The following DDX19A variants were observed in gnomAD, a reference collection of about 807,000 sequenced individuals.
DDX19A encodes the protein DEAD-box helicase 19A, also known as ATP-dependent RNA helicase DDX19A.
DDX19A carries 12 observed loss-of-function variants against 60.6 expected under a neutral mutation model. That is an observed-to-expected ratio of 0.20 (90% CI 0.13 to 0.32). The LOEUF is 0.32. Among genes scored for constraint, DDX19A ranks in the 10% least tolerant of loss-of-function variants. The probability of loss-of-function intolerance (pLI) is 1.00; values close to 1 mark genes in which losing one functional copy is unlikely to be tolerated. For missense variants in DDX19A, 337 were observed against 600.6 expected (o/e 0.56, Z 4.59); for synonymous variants, 206 against 218.2 (o/e 0.94, Z 0.49).
intron 2 of DDX19A, among the ~76,000 whole-genome samples, chr16:70,353,034 T>A (rs1964073161): frequency 6.6e-6 from 1 of 152,188 alleles, no homozygotes; most frequent in Non-Finnish European, 1.5e-5. Flanking sequence ...TGAACTTAGC[T>A]CTTTTTACAT....
At chr16:70,357,703 C>T (rs1307359957) in intron 4 of DDX19A, among the ~76,000 whole-genome samples, 1 of 151,904 alleles carries the variant, frequency 6.6e-6, no homozygotes, top group African/African-American at 2.4e-5. Context: ...AGGTTTACTT[C>T]AGTAAATTAA....
At chr16:70,354,018 A>T (rs577064439) in intron 2 of DDX19A, among the ~76,000 whole-genome samples, 2 of 151,954 alleles carry the variant, frequency 1.3e-5, no homozygotes, top group South Asian at 4.1e-4. Flanking sequence ...CTGGGATTAT[A>T]GGCTAATTTT....
rs1284824243 is a variant in DDX19A, at chr16:70,363,417, A to T, written c.387-1126A>T. Reference sequence around the variant, plus strand: ...AATGGCGCGGTCTCAGCTCACCGCAACCTTCGCCTCCCGGGTTCAAGTGAT... The same window carrying T: ...AATGGCGCGGTCTCAGCTCACCGCATCCTTCGCCTCCCGGGTTCAAGTGAT... On this transcript the variant is annotated intron_variant, in intron 5 of 11. Transcript: ENST00000302243. 3 of 151,918 alleles carry T rather than the reference A, an allele frequency of 2.0e-5. No individual in the cohort carries two copies. In the South Asian group the frequency reaches 6.2e-4, roughly 31 times the overall value. The allele number at this position is 151,918 out of a possible 1,614,324, so 9.4% of individuals were successfully genotyped here. A position where few individuals can be genotyped will look rare whatever the true frequency, so the allele number is the denominator to read the frequency against.
At chr16:70,353,045 G>A (rs1365171851) in intron 2 of DDX19A, among the ~76,000 whole-genome samples, 1 of 151,972 alleles carries the variant, frequency 6.6e-6, no homozygotes, top group Non-Finnish European at 1.5e-5. Flanking sequence ...CTTTTTACAT[G>A]TATGCAAGTG....
chr16:70,351,212 A>T (rs1964006714), intron 2 of DDX19A, among the ~76,000 whole-genome samples: 1 of 148,754 alleles, frequency 6.7e-6, no homozygotes, highest in African/African-American at 2.5e-5. Context: ...TTAGATTTTT[A>T]AAATTTTATT....
chr16:70,352,995 A>G (rs1369020157), intron 2 of DDX19A, among the ~76,000 whole-genome samples: 1 of 152,134 alleles, frequency 6.6e-6, no homozygotes. Context: ...TTCTTTTGCT[A>G]TTATAAATAA....
rs568023515 is a variant in DDX19A at position 70,364,325 on chromosome 16, G to T, written c.387-218G>T. On this transcript the variant is annotated intron_variant, in intron 5 of 11. Coordinates refer to ENST00000302243, the MANE Select transcript of DDX19A (RefSeq NM_018332.5). ...TAGAGGCTAGAATGAGAATTTCTTGGTGTGAGCCCATTTAAAATAATCATT... is the reference window on the plus strand; with the variant it reads ...TAGAGGCTAGAATGAGAATTTCTTGTTGTGAGCCCATTTAAAATAATCATT... The T allele has an allele frequency of 5.7e-6, 3 of 526,598 alleles. No individual in the cohort carries two copies. In the South Asian group the frequency reaches 6.6e-5, roughly 12 times the overall value. The allele number at this position is 526,598 out of a possible 1,614,324, so 32.6% of individuals were successfully genotyped here.
chr16:70,354,236 C>A (rs1346544919), intron 2 of DDX19A, among the ~76,000 whole-genome samples: 1 of 152,060 alleles, frequency 6.6e-6, no homozygotes, highest in Non-Finnish European at 1.5e-5. Context: ...ACCTCCGCCT[C>A]CCAGGTTCAA....
chr16:70,356,207 T>A lies in DDX19A; in HGVS notation c.253T>A (p.Ser85Thr), dbSNP rs1964179874. 4 of 1,613,896 alleles carry A rather than the reference T, an allele frequency of 2.5e-6. No individual in the cohort carries two copies. Among genetic ancestry groups the A allele is most frequent in the Non-Finnish European group, 3.4e-6 (4 of 1,180,020 alleles). The change falls in exon 4 of 12, where the codon TCC becomes ACC. Residue 85 changes from serine (S) to threonine (T), a missense_variant. Ser to Thr is a moderately conservative substitution (Grantham distance 58). Around this residue, in one of 6 missense-constraint regions of DDX19A, gnomAD observed 127 missense variants for 160.3 expected, o/e 0.79. Transcript: ENST00000302243. ...GGAAGTCCTGCAACGGGATCCAAAC[T>A]CCCCTCTGTACTCGGTGAAGTCGTT... Reference protein sequence around the residue: ...QVEVLQRDPNSPLYSVKSFEE... With the variant: ...QVEVLQRDPNTPLYSVKSFEE...
chr16:70,359,022 C>T (rs960480864), intron 4 of DDX19A, among the ~76,000 whole-genome samples: 6 of 152,136 alleles, frequency 3.9e-5, no homozygotes, highest in Non-Finnish European at 7.3e-5. Context: ...TAAATTTCTT[C>T]CCTTTAGAAG....
At chr16:70,347,157 T>C (rs961274896) in intron 1 of DDX19A, 109 bp downstream of exon 1, 4 of 1,083,554 alleles carry the variant, frequency 3.7e-6, no homozygotes, top group African/African-American at 3.1e-5. Flanking sequence ...AACGCGCTCC[T>C]GCAGTTTGCT....
chr16:70,370,061 G>T lies in DDX19A; in HGVS notation c.1021-162G>T, dbSNP rs531712900. Among the ~76,000 whole-genome samples the T allele has an allele frequency of 8.1e-4, 123 of 152,246 alleles. No homozygotes were observed. The Middle Eastern group carries it at 0.01, about 13-fold the overall frequency. On this transcript the variant is annotated intron_variant, in intron 9 of 11. Coordinates refer to ENST00000302243, the MANE Select transcript of DDX19A (RefSeq NM_018332.5). ...TCAAAAATATCTTCAGCTGAGCGTG[G>T]TGCCTCACACCTGTACTCCCAGCCC...
chr16:70,371,672 C>A, intron 11 of DDX19A, 109 bp downstream of exon 11: 2 of 705,946 alleles, frequency 2.8e-6, no homozygotes, highest in South Asian at 1.9e-5. Context: ...CCCTAGCACA[C>A]TCCCCTCCTT....
intron 9 of DDX19A, among the ~76,000 whole-genome samples, chr16:70,368,712 C>T (rs1245717255): frequency 6.6e-6 from 1 of 151,964 alleles, no homozygotes; most frequent in Non-Finnish European, 1.5e-5. Context: ...GTGCCCAGCT[C>T]ATCTTTATTG....
At chr16:70,353,949 A>T (rs1368486073) in intron 2 of DDX19A, among the ~76,000 whole-genome samples, 1 of 150,514 alleles carries the variant, frequency 6.6e-6, no homozygotes, top group Admixed American at 6.6e-5. Context: ...CCCAGGCTGC[A>T]GTGCAGTGGC....
At chr16:70,369,996 T>G (rs1442064100) in intron 9 of DDX19A, among the ~76,000 whole-genome samples, 1 of 152,066 alleles carries the variant, frequency 6.6e-6, no homozygotes, top group African/African-American at 2.4e-5. Flanking sequence ...TTTAAGAAAT[T>G]TAGCTTTTAG....
rs1142621 is a variant in DDX19A, at chr16:70,365,022, G to T, written c.495G>T (p.Leu165=). 4.3e-6 allele frequency: 7 copies of T among 1,613,804 alleles called. No homozygotes were observed. The Admixed American group carries it at 8.3e-5, about 19-fold the overall frequency. The stretch of plus-strand genomic sequence containing the variant: ...CTTTATGATTTTTCTGTCAGTGTCT[G>T]TGCCTCTCCCCAACATATGAGCTGG... ...VEPSDRYPQC[L]CLSPTYELAL... The change falls in exon 7 of 12, where the codon CTG becomes CTT. Residue 165 remains leucine, a synonymous_variant. Transcript: ENST00000302243.
At chr16:70,347,265 T>G in intron 1 of DDX19A, 1 of 582,122 alleles carries the variant, frequency 1.7e-6, no homozygotes, top group Non-Finnish European at 3.1e-6. Context: ...CATCCTTTGG[T>G]AAATCCGCCC....
chr16:70,356,808 T>C, intron 4 of DDX19A: 1 of 1,081,186 alleles, frequency 9.2e-7, no homozygotes, highest in Non-Finnish European at 1.2e-6. Flanking sequence ...CAAATTGATT[T>C]ATCATAGCTA....
Sources: gnomAD v4.1 joint callset for allele counts (sites outside exome capture counted in the v4.1 genomes callset) on GRCh38, gnomAD v4.1.1 for gene constraint, gnomAD v4.1.1 regional missense constraint, MANE v1.5 for transcripts, NCBI Gene and HGNC (gene_info 2026-07-23, HGNC 2026-07-21) for gene names.